The following OTOG variants were observed in gnomAD, a reference collection of about 807,000 sequenced individuals.
OTOG encodes the protein otogelin.
Under a neutral mutation model 313.8 loss-of-function variants are expected in OTOG, and 296 were observed. That is an observed-to-expected ratio of 0.94 (90% CI 0.86 to 1.04). OTOG has a LOEUF of 1.04. Among genes scored for constraint, OTOG ranks in the 50% least tolerant of loss-of-function variants. The probability of loss-of-function intolerance (pLI) is 0.00; values close to 1 mark genes in which losing one functional copy is unlikely to be tolerated. For missense variants in OTOG, 3,948 were observed against 3,840.1 expected, an observed-to-expected ratio of 1.03 and a Z score of -0.74; for synonymous variants, 1,533 against 1,554.9, an observed-to-expected ratio of 0.99 and a Z score of 0.33.
At position 17,629,273 on chromosome 11, in the gene OTOG, G is replaced by T. The variant is rs375157277; in HGVS notation, c.6669G>T (p.Val2223=). 109 of 1,550,590 alleles carry T rather than the reference G, an allele frequency of 7.0e-5. No homozygotes were observed. In the African/African-American group the frequency reaches 1.4e-3, roughly 20 times the overall value. The change falls in exon 40 of 56, where the codon GTG becomes GTT. Residue 2223 remains valine (V), a synonymous_variant. Coordinates refer to ENST00000399397, the MANE Select transcript of OTOG (RefSeq NM_001292063.2). ...TCCACAGCTCAGGACTCATGATCGT[G>T]GAGGCCAGCAAAACCAGCAAGGCCC... ...QWLHSSGLMI[V]EASKTSKAQG... is the part of the protein sequence containing the mutation.
Position 17,631,866 on chromosome 11 carries a change from T to C in OTOG, c.6877T>C (p.Cys2293Arg). The C allele has an allele frequency of 6.4e-7, 1 of 1,550,578 alleles. No individual in the cohort carries two copies. The highest frequency in any genetic ancestry group is 8.7e-7 in the Non-Finnish European group (1 of 1,147,006). The stretch of plus-strand genomic sequence containing the variant: ...CCCAGACAGCTGCGCCACAACTGAC[T>C]GCTCGCCCTGCCTTCGCATGGTGTC... ...FRPDSCATTD[C>R]SPCLRMVSNR... Residue 2293 changes from cysteine to arginine, a missense_variant, in exon 41 of 56, where the codon TGC (cysteine) becomes CGC (arginine). By Grantham distance (180) the Cys-to-Arg change is radical. Coordinates refer to ENST00000399397, the MANE Select transcript of OTOG (RefSeq NM_001292063.2).
intron 24 of OTOG, among the ~76,000 whole-genome samples, chr11:17,589,816 GCCATAT>G (rs1852888615): frequency 1.3e-5 from 2 of 152,008 alleles, no homozygotes; most frequent in Admixed American, 1.3e-4. Context: ...ACTTCATATT[GCCATAT>G]CCAGTTAGCC....
intron 6 of OTOG, 112 bp downstream of exon 6, chr11:17,553,631 A>C (rs1193571651): frequency 4.8e-6 from 5 of 1,047,636 alleles, no homozygotes; most frequent in Non-Finnish European, 6.2e-6. Flanking sequence ...TCCTCCTTGC[A>C]TCGCCCCCCA....
Position 17,642,200 on chromosome 11 carries a change from G to A in OTOG, c.8369G>A (p.Arg2790His), listed in dbSNP as rs117315845. The A allele has an allele frequency of 2.3e-3, 3,569 of 1,550,166 alleles. 11 individuals are homozygous for A. The highest frequency in any genetic ancestry group is 7.9e-3 in the Middle Eastern group (47 of 5,986). The change falls in exon 53 of 56, where the codon CGC (arginine) becomes CAC (histidine). Residue 2790 changes from arginine to histidine, a missense_variant. Physicochemically the swap from Arg to His is conservative, Grantham distance 29 (BLOSUM62 0). Transcript: ENST00000399397. Reference protein sequence around the residue: ...SSTPLGAVLVRSPISCPPLNE... With the variant: ...SSTPLGAVLVHSPISCPPLNE... ...ACGCCCCTGGGTGCCGTGCTGGTCCGCTCTCCCATAAGCTGCCCACCGCTC... is the reference window on the plus strand; with the variant it reads ...ACGCCCCTGGGTGCCGTGCTGGTCCACTCTCCCATAAGCTGCCCACCGCTC...
chr11:17,555,839 T>G lies in OTOG; in HGVS notation c.601T>G (p.Phe201Val). The change falls in exon 7 of 56, where the codon TTC (phenylalanine) becomes GTC (valine). Residue 201 changes from phenylalanine to valine, a missense_variant. Coordinates refer to ENST00000399397, the MANE Select transcript of OTOG (RefSeq NM_001292063.2). ...CACCTGCTCCAGGGCTGTCAGCCTC[T>G]TCTTTGTGGGTGAGCAGGAGATCCA... ...PYTCSRAVSL[F>V]FVGEQEIHLA... 6.5e-7 allele frequency: 1 copy of G among 1,546,750 alleles called. No homozygotes were observed. Among genetic ancestry groups the G allele is most frequent in the African/African-American group, 1.4e-5 (1 of 73,134 alleles).
In OTOG at chr11:17,602,277, G is replaced by C. The variant is rs762425435; in HGVS notation, c.3777G>C (p.Ala1259=). ...GTGGTGCTCTGGTGGGCATGAAGGC[G>C]GTGGGCGATGACATAGTCCTAGTGA... ...AAGGALVGMK[A]VGDDIVLVRT... Residue 1259 remains alanine (A), a synonymous_variant, in exon 32 of 56, where the codon GCG becomes GCC. Coordinates refer to ENST00000399397, the MANE Select transcript of OTOG (RefSeq NM_001292063.2). The C allele has an allele frequency of 2.0e-5, 31 of 1,550,514 alleles. No homozygotes were observed. In the Admixed American group the frequency reaches 5.9e-4, roughly 29 times the overall value.
At position 17,587,224 on chromosome 11, in the gene OTOG, T is replaced by A. The variant is rs533564773; in HGVS notation, c.2867+643T>A. On this transcript the variant is annotated intron_variant, in intron 24 of 55. Coordinates refer to ENST00000399397, the MANE Select transcript of OTOG (RefSeq NM_001292063.2). ...ATTTGTTTAGTAATGTAAGTGTGCA[T>A]ATGTGGGAGTGTGTGCCCCTGGATT... is the stretch of plus-strand genomic sequence containing the variant. 6.6e-5 allele frequency among the ~76,000 whole-genome samples: 10 copies of A among 152,310 alleles called. No homozygotes were observed. The South Asian group carries it at 2.1e-3, about 32-fold the overall frequency.
Position 17,602,390 on chromosome 11 carries a change from C to T in OTOG, c.3877+13C>T, listed in dbSNP as rs1282225648. 6 of 1,545,798 alleles carry T rather than the reference C, an allele frequency of 3.9e-6. No individual in the cohort carries two copies. The African/African-American group carries it at 6.9e-5, about 18-fold the overall frequency. On this transcript the variant is annotated intron_variant, in intron 32 of 55. Transcript: ENST00000399397. ...GCCAAGGCCCATGGTAAGGCCCATCCCAGTCCCACTCCAGCTCTTCTGGGA... is the reference window on the plus strand; with the variant it reads ...GCCAAGGCCCATGGTAAGGCCCATCTCAGTCCCACTCCAGCTCTTCTGGGA...
At chr11:17,586,738 A>G (rs1278262846) in intron 24 of OTOG, among the ~76,000 whole-genome samples, 157 bp downstream of exon 24, 3 of 152,224 alleles carry the variant, frequency 2.0e-5, no homozygotes, top group Non-Finnish European at 1.5e-5. Context: ...TTGTGTACAC[A>G]TAGGAGTATA....
chr11:17,559,787 G>A (rs1852139429), intron 12 of OTOG, 125 bp downstream of exon 12: 1 of 718,476 alleles, frequency 1.4e-6, no homozygotes, highest in Admixed American at 3.5e-5. Context: ...AGGGAGGGAG[G>A]GAGGAAGGAA....
intron 32 of OTOG, among the ~76,000 whole-genome samples, chr11:17,604,232 A>G (rs1359948793): frequency 6.6e-6 from 1 of 152,238 alleles, no homozygotes; most frequent in Admixed American, 6.5e-5. Context: ...TTTACAGTAC[A>G]GCCCCGGACT....
At position 17,573,262 on chromosome 11, in the gene OTOG, T is replaced by C; in HGVS notation, c.2265T>C (p.Val755=). 6.5e-7 allele frequency: 1 copy of C among 1,530,212 alleles called. No individual in the cohort carries two copies. Among genetic ancestry groups the C allele is most frequent in the Non-Finnish European group, 8.8e-7 (1 of 1,142,388 alleles). 94.8% of individuals were successfully genotyped at this position (1,530,212 alleles called of 1,614,324 possible). Residue 755 remains valine, a synonymous_variant, in exon 19 of 56, where the codon GTT becomes GTC. Coordinates refer to ENST00000399397, the MANE Select transcript of OTOG (RefSeq NM_001292063.2). ...TGTGCCGGCGCCATGGGCTCCCCGT[T>C]GATTTCCGCGCCCGCCTGCCAGCCT... ...AHLCRRHGLP[V]DFRARLPACA... is the part of the protein sequence containing the mutation.
At chr11:17,556,962 TGGTATACTTCCA>T (rs1304554755) in intron 7 of OTOG, among the ~76,000 whole-genome samples, 144 bp from the exon 8 acceptor site, 5 of 152,164 alleles carry the variant, frequency 3.3e-5, no homozygotes, top group African/African-American at 1.2e-4. Context: ...CCATCTCTAA[TGGTATACTTCCA>T]GGCACCTGGG....
chr11:17,619,821 A>C (rs1468961020), intron 39 of OTOG, among the ~76,000 whole-genome samples: 1 of 152,224 alleles, frequency 6.6e-6, no homozygotes, highest in African/African-American at 2.4e-5. Flanking sequence ...ATATTTAACC[A>C]CATATTTACC....
At chr11:17,609,473 C>T (rs1375229575) in intron 35 of OTOG, among the ~76,000 whole-genome samples, 182 bp from the exon 36 acceptor site, 1 of 152,070 alleles carries the variant, frequency 6.6e-6, no homozygotes, top group Non-Finnish European at 1.5e-5. Context: ...TCTCTTGGTT[C>T]TGGGGTCAGG....
At chr11:17,645,274 A>C (rs1037445798) in intron 54 of OTOG, among the ~76,000 whole-genome samples, 3 of 152,170 alleles carry the variant, frequency 2.0e-5, no homozygotes, top group Non-Finnish European at 4.4e-5. Flanking sequence ...AGGCAGCCTC[A>C]CTCTGTCCCC....
intron 26 of OTOG, 23 bp downstream of exon 26, chr11:17,593,350 G>C: frequency 6.5e-7 from 1 of 1,549,980 alleles, no homozygotes; most frequent in African/African-American, 1.4e-5. Context: ...GCCTGTGAAG[G>C]TTGTGTAGAC....
Position 17,552,026 on chromosome 11 carries a change from C to T in OTOG, c.243C>T (p.Ala81=), listed in dbSNP as rs1207421595. ...AGGCTGAAGCCCCAGACTCCGTGGC[C>T]ATGTCTTCCTGGGAAAGGCGGCTCC... ...GQQAEAPDSV[A]MSSWERRLHR... Residue 81 remains alanine (A), a synonymous_variant, in exon 4 of 56, where the codon GCC becomes GCT. Coordinates refer to ENST00000399397, the MANE Select transcript of OTOG (RefSeq NM_001292063.2). The T allele has an allele frequency of 3.2e-6, 5 of 1,550,534 alleles. No homozygotes were observed. The highest frequency in any genetic ancestry group is 4.4e-6 in the Non-Finnish European group (5 of 1,146,922).
At chr11:17,547,578 G>GGAGA (rs1233407361) in intron 1 of OTOG, 112 bp downstream of exon 1, 2 of 1,272,826 alleles carry the variant, frequency 1.6e-6, no homozygotes, top group Non-Finnish European at 9.9e-7. Flanking sequence ...GAGGTTTGAG[G>GGAGA]GAGAGCAGAG....
Sources: allele counts gnomAD v4.1 joint callset (sites outside exome capture counted in the v4.1 genomes callset), GRCh38; gene constraint gnomAD v4.1.1; transcripts MANE v1.5; gene names NCBI Gene and HGNC (gene_info 2026-07-23, HGNC 2026-07-21).